Variants in PPP1R12C observed in about 807,000 individuals in gnomAD.
The protein encoded by PPP1R12C is protein phosphatase 1 regulatory subunit 12C.
Under a neutral mutation model 95.6 loss-of-function variants are expected in PPP1R12C, and 48 were observed. The observed-to-expected ratio is 0.50, with a 90% CI of 0.40 to 0.64. The LOEUF (loss-of-function observed/expected upper bound fraction) is 0.64, where lower values mean the gene tolerates loss of function less well. Among genes scored for constraint, PPP1R12C ranks in the 30% least tolerant of loss-of-function variants. The pLI is 0.00. For synonymous variants in PPP1R12C, 480 were observed against 460.8 expected, an observed-to-expected ratio of 1.04 and a Z score of -0.53; for missense variants, 1,057 against 1,083.3, an observed-to-expected ratio of 0.98 and a Z score of 0.34.
In PPP1R12C at chr19:55,092,812, C is replaced by T. The variant is rs368987700; in HGVS notation, c.1882G>A (p.Val628Ile). Reference sequence around the variant, plus strand: ...GCAGGCCCCCTCCACTCCTTTCCGACCTTGCGGTGCTCCCTGGCCGCCTGC... The same window carrying T: ...GCAGGCCCCCTCCACTCCTTTCCGATCTTGCGGTGCTCCCTGGCCGCCTGC... ...GPQAAREHRK[V>I]GKEWRGPAEG... Residue 628 changes from valine to isoleucine, a missense_variant, in exon 16 of 22, where the codon GTC becomes ATC. Val to Ile is a conservative substitution (Grantham distance 29, BLOSUM62 3). Around this residue, in one of 5 missense-constraint regions of PPP1R12C, gnomAD observed 347 missense variants for 307.9 expected, o/e 1.13. Transcript: ENST00000263433. 2.6e-6 allele frequency: 4 copies of T among 1,563,276 alleles called. No homozygotes were observed. In the African/African-American group the frequency reaches 5.4e-5, roughly 21 times the overall value.
rs184039423 is a variant in PPP1R12C at position 55,103,797 on chromosome 19, C to T, written c.572-229G>A. ...GAGTCAGCGCTAAGCACTGGGAAAA[C>T]GGAGATCACAGGCCTTTCCCCATTT... is the stretch of plus-strand genomic sequence containing the variant. On this transcript the variant is annotated intron_variant, in intron 3 of 21. Transcript: ENST00000263433. Among the ~76,000 whole-genome samples, 332 of 152,084 alleles carry T rather than the reference C, an allele frequency of 2.2e-3. 3 individuals carry two copies. The highest frequency in any genetic ancestry group is 7.8e-3 in the African/African-American group (322 of 41,510).
Position 55,093,048 on chromosome 19 carries a change from C to T in PPP1R12C, c.1793G>A (p.Gly598Glu). 6.3e-7 allele frequency: 1 copy of T among 1,595,576 alleles called. No homozygotes were observed. The highest frequency in any genetic ancestry group is 8.5e-7 in the Non-Finnish European group (1 of 1,170,276). The change falls in exon 15 of 22, where the codon GGA (glycine) becomes GAA (glutamate). Residue 598 changes from glycine (G) to glutamate (E), a missense_variant. By Grantham distance (98) the Gly-to-Glu change is moderately conservative (BLOSUM62 -2). Coordinates refer to ENST00000263433, the MANE Select transcript of PPP1R12C (RefSeq NM_017607.4). ...LDPSRRPRVP[G>E]VENSDSPAQR... ...GGCAGGGCTGTCAGAGTTCTCCACTCCAGGGACGCGGGGCCTTCGGGAAGG... is the reference window on the plus strand; with the variant it reads ...GGCAGGGCTGTCAGAGTTCTCCACTTCAGGGACGCGGGGCCTTCGGGAAGG...
At chr19:55,101,409 C>T (rs930212522) in intron 4 of PPP1R12C, among the ~76,000 whole-genome samples, 12 of 152,210 alleles carry the variant, frequency 7.9e-5, no homozygotes, top group African/African-American at 2.7e-4. Context: ...ACAGTACCCA[C>T]ACAGGCCCCC....
In PPP1R12C at chr19:55,109,051, G is replaced by A. The variant is rs1463075324; in HGVS notation, c.571+3416C>T. Reference sequence around the variant, plus strand: ...TCCATTCATTCGATGATGGGCACTAGGTTGCTCCTACCTCTGGGCTATTGT... The same window carrying A: ...TCCATTCATTCGATGATGGGCACTAAGTTGCTCCTACCTCTGGGCTATTGT... On this transcript the variant is annotated intron_variant, in intron 3 of 21. Coordinates refer to ENST00000263433, the MANE Select transcript of PPP1R12C (RefSeq NM_017607.4). The surrounding 1 kb of genome is among the most constrained non-coding windows in gnomAD (Gnocchi z 4.4). Among the ~76,000 whole-genome samples, 1 of 152,176 alleles carries A rather than the reference G, an allele frequency of 6.6e-6. No individual in the cohort carries two copies. The highest frequency in any genetic ancestry group is 1.5e-5 in the Non-Finnish European group (1 of 68,038).
At chr19:55,112,370 G>T in intron 3 of PPP1R12C, 97 bp downstream of exon 3, 1 of 1,068,796 alleles carries the variant, frequency 9.4e-7, no homozygotes, top group Non-Finnish European at 1.3e-6. Flanking sequence ...AGGAAGCAGG[G>T]TCAGCCTCGG....
chr19:55,108,203 TG>T (rs2085059228), intron 3 of PPP1R12C, among the ~76,000 whole-genome samples: 1 of 151,990 alleles, frequency 6.6e-6, no homozygotes, highest in Non-Finnish European at 1.5e-5. Flanking sequence ...CCCAAAGTGC[TG>T]GATTACAGGC....
At chr19:55,103,633 A>C in intron 3 of PPP1R12C, 65 bp from the exon 4 acceptor site, 2 of 1,407,706 alleles carry the variant, frequency 1.4e-6, no homozygotes, top group Non-Finnish European at 1.9e-6. Context: ...AGGGTCATAC[A>C]CTGGGCTGGC....
At chr19:55,111,026 G>C (rs943659721) in intron 3 of PPP1R12C, among the ~76,000 whole-genome samples, 1 of 151,416 alleles carries the variant, frequency 6.6e-6, no homozygotes, top group African/African-American at 2.4e-5. Context: ...CAGAGAGAAG[G>C]AACACAAATC....
chr19:55,108,197 A>C (rs2085059134), intron 3 of PPP1R12C, among the ~76,000 whole-genome samples: 1 of 151,914 alleles, frequency 6.6e-6, no homozygotes, highest in African/African-American at 2.4e-5. Context: ...CGGCCTCCCA[A>C]AGTGCTGGAT....
rs746819530 is a variant in PPP1R12C, at chr19:55,095,367, AGAG to A, written c.1387-12_1387-10del. On this transcript the variant is annotated splice_polypyrimidine_tract_variant and intron_variant, in intron 10 of 21. Transcript: ENST00000263433. ...AGACGGAGCTCCTTGGCCTGTGTGG[AGAG>A]GAGAAGGGGAGGAAGGGGCAGTTCC... 599 of 1,587,936 alleles carry A rather than the reference AGAG, an allele frequency of 3.8e-4. No homozygotes were observed. Among genetic ancestry groups the A allele is most frequent in the Admixed American group, 5.9e-4 (33 of 56,214 alleles).
At chr19:55,099,156 T>A in intron 4 of PPP1R12C, 61 bp from the exon 5 acceptor site, 1 of 1,448,376 alleles carries the variant, frequency 6.9e-7, no homozygotes, top group Non-Finnish European at 9.1e-7. Flanking sequence ...GAGGGCTGAT[T>A]TCGGCCAGCG....
At position 55,117,514 on chromosome 19, in the gene PPP1R12C, G is replaced by C. The variant is rs1603015330; in HGVS notation, c.30C>G (p.Gly10=). Residue 10 remains glycine, a synonymous_variant, in exon 1 of 22, where the codon GGC becomes GGG. Coordinates refer to ENST00000263433, the MANE Select transcript of PPP1R12C (RefSeq NM_017607.4). ...GGGCAGCCGCCGCCGCCGCCCCCGG[G>C]CCAGCCGCCGGGCCATCCTCTCCGG... is the stretch of plus-strand genomic sequence containing the variant. The part of the protein sequence containing the change: MSGEDGPAA[G]PGAAAAAARE... The C allele has an allele frequency of 9.7e-7, 1 of 1,026,798 alleles. No individual in the cohort carries two copies. The highest frequency in any genetic ancestry group is 1.2e-6 in the Non-Finnish European group (1 of 857,218). The allele number at this position is 1,026,798 out of a possible 1,614,324, so 63.6% of individuals were successfully genotyped here.
intron 3 of PPP1R12C, among the ~76,000 whole-genome samples, chr19:55,106,930 T>C (rs1373341513): frequency 1.3e-5 from 2 of 152,214 alleles, no homozygotes; most frequent in African/African-American, 4.8e-5. Flanking sequence ...TGCTGTGTTT[T>C]GGCTGTGATA....
At position 55,098,765 on chromosome 19, in the gene PPP1R12C, C is replaced by A. The variant is rs184980861; in HGVS notation, c.951+19G>T. On this transcript the variant is annotated intron_variant, in intron 6 of 21. Transcript: ENST00000263433. ...GGACATGGGGAGTCTGGGGTAAGCCCCTCAGCCCTGACACTCACGTCCTCC... is the reference window on the plus strand; with the variant it reads ...GGACATGGGGAGTCTGGGGTAAGCCACTCAGCCCTGACACTCACGTCCTCC... 3.7e-4 allele frequency: 590 copies of A among 1,613,200 alleles called. No individual in the cohort carries two copies. The highest frequency in any genetic ancestry group is 4.5e-4 in the Non-Finnish European group (527 of 1,179,892).
At chr19:55,111,833 C>T (rs527268646) in intron 3 of PPP1R12C, 27 of 152,336 alleles carry the variant, frequency 1.8e-4, no homozygotes, top group African/African-American at 6.5e-4. Context: ...GGGAAGCAAG[C>T]TTCAGGGACG....
Position 55,095,511 on chromosome 19 carries a change from C to T in PPP1R12C, c.1320G>A (p.Glu440=). ...GCTGCAGCCCAGCCCCAGGGGCTCC[C>T]TCCGCTGTCCGCCTTTCAGGGGGAC... ...ALGPPERRTA[E]GAPGAGLQRS... The change falls in exon 10 of 22, where the codon GAG becomes GAA. Residue 440 remains glutamate, a synonymous_variant. Coordinates refer to ENST00000263433, the MANE Select transcript of PPP1R12C (RefSeq NM_017607.4). 1.3e-6 allele frequency: 2 copies of T among 1,577,006 alleles called. No homozygotes were observed. Among genetic ancestry groups the T allele is most frequent in the Non-Finnish European group, 1.7e-6 (2 of 1,161,436 alleles).
intron 1 of PPP1R12C, chr19:55,113,070 C>T: frequency 1.8e-6 from 1 of 562,574 alleles, no homozygotes. Flanking sequence ...GGCTTCTCAT[C>T]TGGGTGCGGG....
At chr19:55,096,726 G>T (rs2084916772) in intron 6 of PPP1R12C, 1 of 371,432 alleles carries the variant, frequency 2.7e-6, no homozygotes, top group Admixed American at 4.1e-5. Flanking sequence ...CCTTCCCCGC[G>T]CAGTTCACCA....
intron 4 of PPP1R12C, among the ~76,000 whole-genome samples, chr19:55,099,531 G>C (rs938661755): frequency 6.6e-5 from 10 of 152,212 alleles, no homozygotes; most frequent in Non-Finnish European, 4.4e-5. Flanking sequence ...TTAAAGCAGT[G>C]ACTCCCAACC....
Sources: gnomAD v4.1 joint callset for allele counts (sites outside exome capture counted in the v4.1 genomes callset) on GRCh38, gnomAD v4.1.1 for gene constraint, gnomAD v4.1.1 regional missense constraint, Gnocchi (gnomAD v3.1) non-coding constraint, MANE v1.5 for transcripts, NCBI Gene and HGNC (gene_info 2026-07-23, HGNC 2026-07-21) for gene names.